CFAP69: variants seen among roughly 807,000 people sequenced by gnomAD.
The protein encoded by CFAP69 is cilia- and flagella-associated protein 69.
CFAP69 carries 92 observed loss-of-function variants against 123.0 expected under a neutral mutation model. That is an observed-to-expected ratio of 0.75 (90% CI 0.63 to 0.89). The LOEUF is 0.89. Among genes scored for constraint, CFAP69 ranks in the 40% least tolerant of loss-of-function variants. CFAP69 has a pLI of 0.00. For missense variants in CFAP69, 1,067 were observed against 1,096.9 expected, an observed-to-expected ratio of 0.97 and a Z score of 0.39; for synonymous variants, 380 against 364.3, an observed-to-expected ratio of 1.04 and a Z score of -0.49.
intron 8 of CFAP69, among the ~76,000 whole-genome samples, chr7:90,273,115 C>T (rs1800194168): frequency 1.3e-5 from 2 of 152,174 alleles, no homozygotes; most frequent in African/African-American, 2.4e-5. Context: ...TTAATAACTG[C>T]TTCCTAATGA....
rs1190265918 is a variant in CFAP69, at chr7:90,286,295, A to G, written c.1552A>G (p.Ile518Val). 6.3e-7 allele frequency: 1 copy of G among 1,599,142 alleles called. No homozygotes were observed. Among genetic ancestry groups the G allele is most frequent in the East Asian group, 2.2e-5 (1 of 44,662 alleles). Residue 518 changes from isoleucine to valine, a missense_variant, in exon 14 of 23, where the codon ATA (isoleucine) becomes GTA (valine). Coordinates refer to ENST00000389297, the MANE Select transcript of CFAP69 (RefSeq NM_001039706.3). ...TTTCATACCAGGAATCTTTAAAAAT[A>G]TAATAAGCAAGCCTAATGAAAAGGA... Reference protein sequence around the residue: ...IQQMIGIFKNIISKPNEKEEA... With the variant: ...IQQMIGIFKNVISKPNEKEEA...
downstream of CFAP69, among the ~76,000 whole-genome samples, chr7:90,315,518 C>T (rs893795678): frequency 6.6e-6 from 1 of 152,058 alleles, no homozygotes; most frequent in East Asian, 1.9e-4. Context: ...AACCGAATAC[C>T]GCATGTTCTC....
intron 14 of CFAP69, among the ~76,000 whole-genome samples, chr7:90,286,713 CTTTAAG>C (rs2117138213): frequency 6.6e-6 from 1 of 152,214 alleles, no homozygotes; most frequent in Admixed American, 6.5e-5. Flanking sequence ...TTTCCCTATT[CTTTAAG>C]TTTATATCAA....
chr7:90,262,349 G>A (rs1798448559), intron 4 of CFAP69, among the ~76,000 whole-genome samples: 1 of 152,116 alleles, frequency 6.6e-6, no homozygotes, highest in Non-Finnish European at 1.5e-5. Context: ...AGTATTTTCA[G>A]AAAATCTTTG....
At chr7:90,288,682 C>T (rs542248437) in intron 15 of CFAP69, among the ~76,000 whole-genome samples, 3 of 152,086 alleles carry the variant, frequency 2.0e-5, no homozygotes, top group South Asian at 2.1e-4. Context: ...AAATTCTTAA[C>T]GCTTGTATAG....
intron 13 of CFAP69, 61 bp downstream of exon 13, chr7:90,283,117 G>T: frequency 8.0e-7 from 1 of 1,245,994 alleles, no homozygotes; most frequent in Non-Finnish European, 1.0e-6. Context: ...TAGTAGTTTT[G>T]TTTGAAATGT....
chr7:90,269,898 G>A (rs1019436103), intron 6 of CFAP69, among the ~76,000 whole-genome samples: 2 of 152,112 alleles, frequency 1.3e-5, no homozygotes, highest in Non-Finnish European at 2.9e-5. Context: ...GAAATGGGAA[G>A]GTGAAATTCT....
Position 90,309,526 on chromosome 7 carries a change from T to A in CFAP69, c.2655+159T>A, listed in dbSNP as rs1305250171. ...CAATAAAACTGTTCAAAAAAAATTT[T>A]AAATTTAAAAATTAGAAGTTAAAAA... On this transcript the variant is annotated intron_variant, in intron 22 of 22. Transcript: ENST00000389297. Among the ~76,000 whole-genome samples the A allele has an allele frequency of 2.6e-5, 4 of 151,908 alleles. No homozygotes were observed. In the East Asian group the frequency reaches 5.8e-4, roughly 22 times the overall value.
At chr7:90,275,590 CTTT>C (rs57578763) in intron 9 of CFAP69, among the ~76,000 whole-genome samples, 1,268 of 61,930 alleles carry the variant, frequency 0.02, 23 homozygotes, top group African/African-American at 0.076. Flanking sequence ...GGCCAAAAGC[CTTT>C]TTTTTTTTTT....
intron 3 of CFAP69, among the ~76,000 whole-genome samples, chr7:90,259,838 T>C (rs969933433): frequency 6.6e-6 from 1 of 152,114 alleles, no homozygotes; most frequent in Non-Finnish European, 1.5e-5. Flanking sequence ...AATAAAAGTA[T>C]CCCACAAATA....
chr7:90,246,746 A>AT (rs1169815441), intron 1 of CFAP69, among the ~76,000 whole-genome samples: 4 of 152,072 alleles, frequency 2.6e-5, no homozygotes, highest in African/African-American at 9.7e-5. Context: ...TTGATAACTG[A>AT]TGGCTCTCAG....
At chr7:90,290,126 T>C (rs184134894) in intron 15 of CFAP69, among the ~76,000 whole-genome samples, 3 of 152,240 alleles carry the variant, frequency 2.0e-5, no homozygotes, top group Non-Finnish European at 2.9e-5. Flanking sequence ...CAAGATTCCC[T>C]AGAGAGACAG....
chr7:90,277,822 G>A (rs17869523), intron 11 of CFAP69, among the ~76,000 whole-genome samples: 83 of 152,160 alleles, frequency 5.5e-4, no homozygotes, highest in African/African-American at 1.8e-3. Context: ...GCATAACAGC[G>A]TGATATAATT....
the CFAP69 span, chr7:90,322,525 C>T: frequency 6.6e-6 from 1 of 152,180 alleles, no homozygotes; most frequent in Non-Finnish European, 1.5e-5. Context: ...AGGAAGCAAC[C>T]CCTTCCATCT....
At chr7:90,309,749 G>A (rs570879918) in intron 22 of CFAP69, among the ~76,000 whole-genome samples, 2 of 152,210 alleles carry the variant, frequency 1.3e-5, no homozygotes, top group Non-Finnish European at 1.5e-5. Context: ...ACACTAGTCA[G>A]CTTATAATTG....
At position 90,277,126 on chromosome 7, in the gene CFAP69, A is replaced by G. The variant is rs1343226985; in HGVS notation, c.1033+5A>G. The G allele has an allele frequency of 3.8e-6, 6 of 1,579,022 alleles. No homozygotes were observed. The Admixed American group carries it at 7.2e-5, about 19-fold the overall frequency. Reference sequence around the variant, plus strand: ...TGTTTGCCACCTTTAATGAAGGTAAAAAGAATAAAACTTTAAACTTCTTAT... The same window carrying G: ...TGTTTGCCACCTTTAATGAAGGTAAGAAGAATAAAACTTTAAACTTCTTAT... On this transcript the variant is annotated splice_donor_5th_base_variant and intron_variant, in intron 10 of 22. Coordinates refer to ENST00000389297, the MANE Select transcript of CFAP69 (RefSeq NM_001039706.3).
chr7:90,293,706 G>A (rs897299497), intron 15 of CFAP69, among the ~76,000 whole-genome samples: 2 of 152,078 alleles, frequency 1.3e-5, no homozygotes, highest in Non-Finnish European at 1.5e-5. Flanking sequence ...GTTAACTCTT[G>A]GCAACTTTTG....
rs114078337 is a variant in CFAP69, at chr7:90,254,320, G to A, written c.121-1103G>A. Among the ~76,000 whole-genome samples, 427 of 151,918 alleles carry A rather than the reference G, an allele frequency of 2.8e-3. 3 individuals carry two copies. The highest frequency in any genetic ancestry group is 9.6e-3 in the African/African-American group (398 of 41,420). ...GCTCAGGATTGCTTTGGGTGCTCGC[G>A]GTCTACTACTTAAACTTTGGATGAT... On this transcript the variant is annotated intron_variant, in intron 1 of 22. Coordinates refer to ENST00000389297, the MANE Select transcript of CFAP69 (RefSeq NM_001039706.3).
chr7:90,276,769 A>G (rs1328211753), intron 9 of CFAP69, among the ~76,000 whole-genome samples: 2 of 152,204 alleles, frequency 1.3e-5, no homozygotes, highest in East Asian at 3.8e-4. Context: ...TAAAGACCTA[A>G]TATACTTTGG....
Sources: gnomAD v4.1 joint callset for allele counts (sites outside exome capture counted in the v4.1 genomes callset) on GRCh38, gnomAD v4.1.1 for gene constraint, MANE v1.5 for transcripts, NCBI Gene and HGNC (gene_info 2026-07-23, HGNC 2026-07-21) for gene names.